Variants in PCDHGA3 observed in about 807,000 individuals in gnomAD.
The protein encoded by PCDHGA3 is protocadherin gamma subfamily A, 3.
In PCDHGA3, 40 loss-of-function variants were observed where a neutral mutation model predicts 58.5. The ratio of observed to expected loss-of-function variants is 0.68; its 90% CI spans 0.53 to 0.89. The LOEUF (loss-of-function observed/expected upper bound fraction) is 0.89, where lower values mean the gene tolerates loss of function less well. PCDHGA3 is among the 40% of genes least tolerant of loss of function. PCDHGA3 has a pLI of 0.00. For missense variants in PCDHGA3, 1,223 were observed against 1,195.9 expected, an observed-to-expected ratio of 1.02 and a Z score of -0.33; for synonymous variants, 530 against 525.7, an observed-to-expected ratio of 1.01 and a Z score of -0.11.
At chr5:141,359,358 G>A (rs1161332359) in intron 1 of PCDHGA3, among the ~76,000 whole-genome samples, 1 of 151,914 alleles carries the variant, frequency 6.6e-6, no homozygotes, top group East Asian at 1.9e-4. Context: ...TGTTTTAAAG[G>A]CCTAGGAAAG....
Position 141,343,978 on chromosome 5 carries a change from A to T in PCDHGA3, c.-56A>T. On this transcript the variant is annotated 5_prime_UTR_variant, in exon 1 of 4. Coordinates refer to ENST00000253812, the MANE Select transcript of PCDHGA3 (RefSeq NM_018916.4). ...TCGTTTCTTGAGAAAATAAGATTGG[A>T]GTCCGTCGTAGGAAACTGGAACCGA... 7.1e-7 allele frequency: 1 copy of T among 1,398,848 alleles called. No homozygotes were observed. Among genetic ancestry groups the T allele is most frequent in the Non-Finnish European group, 9.6e-7 (1 of 1,039,022 alleles). 86.7% of individuals were successfully genotyped at this position (1,398,848 alleles called of 1,614,324 possible). A position where few individuals can be genotyped will look rare whatever the true frequency, so the allele number is the denominator to read the frequency against.
At chr5:141,410,818 T>C (rs567397835) in intron 1 of PCDHGA3, 1 of 556,016 alleles carries the variant, frequency 1.8e-6, no homozygotes, top group African/African-American at 2.1e-5. Context: ...TGTAAAATAA[T>C]GTCACCAGAC....
In PCDHGA3 at chr5:141,345,714, G is replaced by C. The variant is rs2149738198; in HGVS notation, c.1681G>C (p.Glu561Gln). The change falls in exon 1 of 4, where the codon GAG becomes CAG. Residue 561 changes from glutamate to glutamine, a missense_variant. By Grantham distance (29) the Glu-to-Gln change is conservative. Around this residue, in one of 3 missense-constraint regions of PCDHGA3, gnomAD observed 791 missense variants for 708.5 expected, o/e 1.12. Coordinates refer to ENST00000253812, the MANE Select transcript of PCDHGA3 (RefSeq NM_018916.4). ...FVLDQNDNAP[E>Q]ILYPALPTDG... ...GCTGGACCAGAACGACAACGCGCCC[G>C]AGATCCTGTACCCCGCCCTCCCCAC... 6.2e-7 allele frequency: 1 copy of C among 1,614,236 alleles called. No homozygotes were observed. Among genetic ancestry groups the C allele is most frequent in the Non-Finnish European group, 8.5e-7 (1 of 1,180,046 alleles).
At chr5:141,419,916 C>T in intron 1 of PCDHGA3, 1 of 1,614,080 alleles carries the variant, frequency 6.2e-7, no homozygotes, top group Non-Finnish European at 8.5e-7. Context: ...GACTCCCAGG[C>T]TGAGATGCAG....
chr5:141,357,010 C>T (rs1340112030), intron 1 of PCDHGA3: 2 of 1,614,032 alleles, frequency 1.2e-6, no homozygotes, highest in Admixed American at 3.3e-5. Flanking sequence ...GAATGCCTGG[C>T]TGTCCTACAG....
intron 1 of PCDHGA3, chr5:141,390,525 G>C: frequency 1.8e-6 from 1 of 552,024 alleles, no homozygotes; most frequent in Non-Finnish European, 3.2e-6. Context: ...CAATGAGGGT[G>C]TGGTTTTAAC....
intron 1 of PCDHGA3, chr5:141,383,834 C>T: frequency 2.5e-6 from 4 of 1,613,906 alleles, no homozygotes; most frequent in Non-Finnish European, 3.4e-6. Context: ...TATGAAGAAA[C>T]TGCCTTCTAT....
rs376209053 is a variant in PCDHGA3, at chr5:141,410,666, T to A, written c.2424+64209T>A. On this transcript the variant is annotated intron_variant, in intron 1 of 3. Transcript: ENST00000253812. ...TGTGATTTATCTAATAGTCTACTAG[T>A]TTCTCATATTTTAGGCATACTACTT... is the stretch of plus-strand genomic sequence containing the variant. 2.6e-6 allele frequency: 4 copies of A among 1,565,890 alleles called. No homozygotes were observed. In the African/African-American group the frequency reaches 5.5e-5, roughly 21 times the overall value.
At chr5:141,498,971 G>GGGAGGGAAGGAAGGAA (rs2099787588) in intron 2 of PCDHGA3, among the ~76,000 whole-genome samples, 1 of 110,970 alleles carries the variant, frequency 9.0e-6, no homozygotes, top group African/African-American at 3.6e-5. Flanking sequence ...GAGGGAGGGA[G>GGGAGGGAAGGAAGGAA]GGAAGGAAGG....
rs1036126623 is a variant in PCDHGA3, at chr5:141,410,753, T to A, written c.2424+64296T>A. On this transcript the variant is annotated intron_variant, in intron 1 of 3. Transcript: ENST00000253812. ...AGCTTTTTACAATATTTTCTCAATG[T>A]TTTTTCAATTATAGTTTTCACTATG... 4.1e-6 allele frequency: 5 copies of A among 1,229,696 alleles called. No individual in the cohort carries two copies. In the African/African-American group the frequency reaches 6.1e-5, roughly 15 times the overall value. 76.2% of individuals were successfully genotyped at this position (1,229,696 alleles called of 1,614,324 possible). A position where few individuals can be genotyped will look rare whatever the true frequency, so the allele number is the denominator to read the frequency against.
intron 2 of PCDHGA3, among the ~76,000 whole-genome samples, chr5:141,500,359 C>T (rs2099799599): frequency 6.6e-6 from 1 of 152,032 alleles, no homozygotes; most frequent in Non-Finnish European, 1.5e-5. Flanking sequence ...CAGGCGCCCA[C>T]TACCACGCCC....
In PCDHGA3 at chr5:141,445,206, A is replaced by G. The variant is rs1244524491; in HGVS notation, c.2425-49601A>G. On this transcript the variant is annotated intron_variant, in intron 1 of 3. Transcript: ENST00000253812. ...TTTTTATGTATTCTATATGCTTTTGAAAAGTAAGAGGTGCAAAGTGCTCTA... is the reference window on the plus strand; with the variant it reads ...TTTTTATGTATTCTATATGCTTTTGGAAAGTAAGAGGTGCAAAGTGCTCTA... 3.3e-5 allele frequency among the ~76,000 whole-genome samples: 5 copies of G among 152,182 alleles called. No individual in the cohort carries two copies. The East Asian group carries it at 7.7e-4, about 23-fold the overall frequency.
intron 1 of PCDHGA3, chr5:141,390,391 T>C: frequency 7.1e-7 from 1 of 1,399,002 alleles, no homozygotes; most frequent in Non-Finnish European, 9.8e-7. Flanking sequence ...ATGTCATGGA[T>C]CATTTTAGGA....
chr5:141,398,908 G>A, intron 1 of PCDHGA3: 2 of 1,613,978 alleles, frequency 1.2e-6, no homozygotes, highest in East Asian at 2.2e-5. Flanking sequence ...AGGCACCACT[G>A]TGTTGCAAGT....
chr5:141,372,410 A>G (rs764498768), intron 1 of PCDHGA3: 2 of 1,613,980 alleles, frequency 1.2e-6, no homozygotes, highest in African/African-American at 2.7e-5. Flanking sequence ...AAGAGATACA[A>G]CCTGACCTTA....
intron 1 of PCDHGA3, chr5:141,374,211 C>T (rs748746691): frequency 6.2e-6 from 10 of 1,613,954 alleles, no homozygotes; most frequent in Non-Finnish European, 8.5e-6. Context: ...GAGAAAGGCT[C>T]CTTCGTAGGC....
intron 1 of PCDHGA3, chr5:141,374,320 G>T (rs1425393222): frequency 1.2e-6 from 2 of 1,613,960 alleles, no homozygotes; most frequent in Admixed American, 3.3e-5. Context: ...CTCTGAATCC[G>T]CGAAACGGCA....
Position 141,476,480 on chromosome 5 carries a change from G to A in PCDHGA3, c.2425-18327G>A, listed in dbSNP as rs761828753. 1 of 1,614,108 alleles carries A rather than the reference G, an allele frequency of 6.2e-7. No individual in the cohort carries two copies. The highest frequency in any genetic ancestry group is 2.2e-5 in the East Asian group (1 of 44,846). On this transcript the variant is annotated intron_variant, in intron 1 of 3. Transcript: ENST00000253812. This position sits in a 1 kb window ranked among gnomAD's most constrained non-coding sequence, Gnocchi z 7.6. ...GAACCCGCTGGAGCTGTTCAGCGTG[G>A]AAGTGGTGATCCAGGACATCAACGA...
In PCDHGA3 at chr5:141,441,804, C is replaced by CAT. The variant is rs1189673284; in HGVS notation, c.2425-53003_2425-53002insAT. The CAT allele has an allele frequency of 6.5e-4, 249 of 382,482 alleles. 2 individuals are homozygous for CAT. Among genetic ancestry groups the CAT allele is most frequent in the African/African-American group, 4.8e-3 (221 of 45,888 alleles). 23.7% of individuals were successfully genotyped at this position (382,482 alleles called of 1,614,324 possible). The stretch of plus-strand genomic sequence containing the variant: ...CCTGAATGACAACGCACCGCGGGTG[C>CAT]TGTACCCCAGCTCTGGAGCGCAATG... On this transcript the variant is annotated intron_variant, in intron 1 of 3. Transcript: ENST00000253812.
Sources: gnomAD v4.1 joint callset for allele counts (sites outside exome capture counted in the v4.1 genomes callset) on GRCh38, gnomAD v4.1.1 for gene constraint, gnomAD v4.1.1 regional missense constraint, Gnocchi (gnomAD v3.1) non-coding constraint, MANE v1.5 for transcripts, NCBI Gene and HGNC (gene_info 2026-07-23, HGNC 2026-07-21) for gene names.